ASIC2: variants seen among roughly 807,000 people sequenced by gnomAD.
The protein encoded by ASIC2 is acid sensing ion channel subunit 2.
Under a neutral mutation model 57.3 loss-of-function variants are expected in ASIC2, and 25 were observed. The observed-to-expected ratio is 0.44, with a 90% CI of 0.32 to 0.61. ASIC2 has a LOEUF of 0.61. Ranked by LOEUF, ASIC2 falls within the 20% of genes least tolerant of loss-of-function variation. The pLI is 0.06. For synonymous variants in ASIC2, 319 were observed against 307.5 expected (o/e 1.04, Z -0.39); for missense variants, 641 against 738.1 (o/e 0.87, Z 1.52).
At chr17:33,087,903 A>G (rs886428869) in intron 3 of ASIC2, among the ~76,000 whole-genome samples, 1 of 152,084 alleles carries the variant, frequency 6.6e-6, no homozygotes, top group Non-Finnish European at 1.5e-5. Context: ...TAAAATGGCT[A>G]AACAGCTGTG....
At chr17:33,091,008 C>T (rs1240512776) in intron 2 of ASIC2, among the ~76,000 whole-genome samples, 1 of 152,176 alleles carries the variant, frequency 6.6e-6, no homozygotes, top group African/African-American at 2.4e-5. Context: ...CAGCATCACC[C>T]TGTCCAAACT....
At chr17:33,582,701 T>C (rs1904483475) in intron 1 of ASIC2, among the ~76,000 whole-genome samples, 1 of 152,216 alleles carries the variant, frequency 6.6e-6, no homozygotes, top group South Asian at 2.1e-4. Context: ...CAAAATGATC[T>C]GATTTCAATT....
intron 1 of ASIC2, among the ~76,000 whole-genome samples, chr17:33,906,586 G>T (rs1248642917): frequency 1.3e-5 from 2 of 152,144 alleles, no homozygotes; most frequent in Non-Finnish European, 2.9e-5. Flanking sequence ...TCCCTTCACT[G>T]CTTATTGTAC....
chr17:33,800,361 C>A (rs977788149), intron 1 of ASIC2, among the ~76,000 whole-genome samples: 1 of 152,130 alleles, frequency 6.6e-6, no homozygotes, highest in Non-Finnish European at 1.5e-5. Context: ...GGTTTGGGAC[C>A]AAGACCTATA....
intron 1 of ASIC2, among the ~76,000 whole-genome samples, chr17:33,984,633 C>T (rs1442943446): frequency 6.6e-6 from 1 of 152,172 alleles, no homozygotes; most frequent in Admixed American, 6.5e-5. Context: ...GAAAGAGGTT[C>T]TAAGGACAGA....
intron 1 of ASIC2, among the ~76,000 whole-genome samples, chr17:33,359,078 G>C (rs1055807757): frequency 6.6e-6 from 1 of 152,342 alleles, no homozygotes; most frequent in Non-Finnish European, 1.5e-5. Flanking sequence ...AACTCCCTGA[G>C]ATGACAGTTG....
chr17:34,050,312 T>C (rs564410516), intron 1 of ASIC2, among the ~76,000 whole-genome samples: 3 of 152,138 alleles, frequency 2.0e-5, no homozygotes, highest in African/African-American at 4.8e-5. Context: ...TTCAAAAGCA[T>C]GCACAGGTTG....
chr17:33,712,937 G>A (rs904046749), intron 1 of ASIC2, among the ~76,000 whole-genome samples: 1 of 152,086 alleles, frequency 6.6e-6, no homozygotes, highest in African/African-American at 2.4e-5. Context: ...GAGCCACCGC[G>A]CCCGGCCCTC....
At chr17:33,254,259 C>G (rs1227458888) in intron 1 of ASIC2, among the ~76,000 whole-genome samples, 1 of 151,718 alleles carries the variant, frequency 6.6e-6, no homozygotes, top group Non-Finnish European at 1.5e-5. Context: ...GACTTTCTAT[C>G]AAACCTATAA....
chr17:34,112,620 T>A (rs533082695), intron 1 of ASIC2, among the ~76,000 whole-genome samples: 7 of 152,302 alleles, frequency 4.6e-5, no homozygotes, highest in Middle Eastern at 3.4e-3. Context: ...GAATGCCTTA[T>A]GTATTAATCC....
At chr17:34,008,566 T>C (rs560916110) in intron 1 of ASIC2, among the ~76,000 whole-genome samples, 63 of 152,308 alleles carry the variant, frequency 4.1e-4, no homozygotes, top group Non-Finnish European at 7.9e-4. Context: ...CCTGGGTTTG[T>C]CTGTCTGAGA....
intron 1 of ASIC2, among the ~76,000 whole-genome samples, chr17:33,308,518 C>G (rs1291503093): frequency 6.6e-6 from 1 of 152,208 alleles, no homozygotes; most frequent in Non-Finnish European, 1.5e-5. Flanking sequence ...TTGCCTAAGA[C>G]CAGCCCAGCC....
At chr17:33,403,265 C>T (rs1910346251) in intron 1 of ASIC2, among the ~76,000 whole-genome samples, 1 of 151,988 alleles carries the variant, frequency 6.6e-6, no homozygotes. Flanking sequence ...AATACACTCA[C>T]AATATATTAA....
At chr17:33,248,336 T>C (rs1597650067) in intron 1 of ASIC2, among the ~76,000 whole-genome samples, 1 of 152,212 alleles carries the variant, frequency 6.6e-6, no homozygotes, top group Admixed American at 6.5e-5. Context: ...GGTAGTAATG[T>C]GGGCAAGAGC....
rs566106609 is a variant in ASIC2, at chr17:33,935,622, C to T, written c.555+220356G>A. On this transcript the variant is annotated intron_variant, in intron 1 of 9. Coordinates refer to the ASIC2 transcript ENST00000359872. ...ATAAGAAAGATCTCATTTAATCTCT[C>T]GGTATCCTCTAAAATCCTGCTCCCA... 4.1e-4 allele frequency: 63 copies of T among 152,256 alleles called. 1 individual carries two copies. Among genetic ancestry groups the T allele is most frequent in the African/African-American group, 1.3e-3 (55 of 41,554 alleles). 9.4% of individuals were successfully genotyped at this position (152,256 alleles called of 1,614,324 possible). A position where few individuals can be genotyped will look rare whatever the true frequency, so the allele number is the denominator to read the frequency against.
intron 1 of ASIC2, among the ~76,000 whole-genome samples, chr17:33,918,150 T>G (rs1170182738): frequency 6.6e-6 from 1 of 152,196 alleles, no homozygotes; most frequent in Non-Finnish European, 1.5e-5. Context: ...GGAAAATCCT[T>G]CTCTCCAACT....
At chr17:33,063,010 G>C (rs2092027207) in intron 3 of ASIC2, among the ~76,000 whole-genome samples, 2 of 151,996 alleles carry the variant, frequency 1.3e-5, no homozygotes, top group Admixed American at 1.3e-4. Flanking sequence ...TTTTCGATTT[G>C]CTTGGCAGAT....
intron 1 of ASIC2, among the ~76,000 whole-genome samples, chr17:33,640,361 T>G (rs1906520696): frequency 2.6e-5 from 4 of 152,230 alleles, no homozygotes; most frequent in Admixed American, 1.3e-4. Flanking sequence ...CACCTTTGCA[T>G]TTCGCCAAAA....
intron 1 of ASIC2, among the ~76,000 whole-genome samples, chr17:33,221,313 A>G (rs1907684410): frequency 6.6e-6 from 1 of 152,194 alleles, no homozygotes; most frequent in African/African-American, 2.4e-5. Flanking sequence ...ACCGAAAAAT[A>G]AAAAATTAAA....
Sources: gnomAD v4.1 joint callset for allele counts (sites outside exome capture counted in the v4.1 genomes callset) on GRCh38, gnomAD v4.1.1 for gene constraint, MANE v1.5 for transcripts, NCBI Gene and HGNC (gene_info 2026-07-23, HGNC 2026-07-21) for gene names.